Variants in MBTPS2 observed in about 807,000 individuals in gnomAD.
MBTPS2 encodes the protein membrane-bound transcription factor site-2 protease.
MBTPS2 carries 2 observed loss-of-function variants against 35.4 expected under a neutral mutation model. That is an observed-to-expected ratio of 0.06 (90% CI 0.02 to 0.18). The LOEUF (loss-of-function observed/expected upper bound fraction) is 0.18, where lower values mean the gene tolerates loss of function less well. MBTPS2 is among the 10% of genes least tolerant of loss of function. The pLI is 1.00. For synonymous variants in MBTPS2, 125 were observed against 140.4 expected (o/e 0.89, Z 0.77); for missense variants, 244 against 386.5 (o/e 0.63, Z 3.09).
intron 7 of MBTPS2, among the ~76,000 whole-genome samples, chrX:21,873,307 C>T (rs1454115131): frequency 8.9e-6 from 1 of 111,922 alleles, no homozygotes; most frequent in African/African-American, 3.2e-5. Flanking sequence ...ATACACTCTT[C>T]CCCCATTCAT....
chrX:21,880,901 C>T lies in MBTPS2; in HGVS notation c.1266C>T (p.Ser422=), dbSNP rs1229546533. 1.7e-6 allele frequency: 2 copies of T among 1,175,801 alleles called. No individual in the cohort carries two copies. Among genetic ancestry groups the T allele is most frequent in the African/African-American group, 1.7e-5 (1 of 57,189 alleles). The part of the protein sequence containing the change: ...GHPLHLHYTV[S]ITSFIPRFNF... Reference sequence around the variant, plus strand: ...TTCCTTATTTTTCTTTTTCAGTGAGCATCACCAGTTTTATCCCACGTTTTA... The same window carrying T: ...TTCCTTATTTTTCTTTTTCAGTGAGTATCACCAGTTTTATCCCACGTTTTA... The change falls in exon 10 of 11, where the codon AGC becomes AGT. Residue 422 remains serine, a synonymous_variant. Coordinates refer to ENST00000379484, the MANE Select transcript of MBTPS2 (RefSeq NM_015884.4).
intron 9 of MBTPS2, among the ~76,000 whole-genome samples, chrX:21,880,661 C>T (rs970167452): frequency 1.5e-4 from 17 of 111,537 alleles, no homozygotes; most frequent in African/African-American, 2.0e-4. Flanking sequence ...TTCTTACTCT[C>T]GCCTCAAAAT....
chrX:21,862,968 A>ATATATATATATATATATATATATATAT (rs1569325859), intron 5 of MBTPS2, among the ~76,000 whole-genome samples: 8 of 67,098 alleles, frequency 1.2e-4, no homozygotes, highest in South Asian at 8.6e-4. Flanking sequence ...ATATATATAT[A>ATATATATATATATATATATATATATAT]AAACCGACTG....
chrX:21,876,723 G>A (rs2092953557), intron 7 of MBTPS2, among the ~76,000 whole-genome samples: 1 of 111,502 alleles, frequency 9.0e-6, no homozygotes, highest in African/African-American at 3.3e-5. Flanking sequence ...CCAATACAAA[G>A]ATGTCTTCCT....
chrX:21,867,632 CTTTTTTTT>C (rs11290067), intron 5 of MBTPS2, among the ~76,000 whole-genome samples: 1 of 84,314 alleles, frequency 1.2e-5, no homozygotes, highest in African/African-American at 4.5e-5. Context: ...ACGGTTTTCT[CTTTTTTTT>C]TTTTTTTTTG....
Position 21,868,531 on chromosome X carries a change from T to C in MBTPS2, c.735T>C (p.Ile245=). The C allele has an allele frequency of 8.3e-7, 1 of 1,210,615 alleles. No individual in the cohort carries two copies. The highest frequency in any genetic ancestry group is 1.1e-6 in the Non-Finnish European group (1 of 894,454). ...GILALVLLPV[I]LLPFYYTGVG... ...TAGCTCTTGTTCTCCTCCCAGTAAT[T>C]CTCTTGCCATTTTACTACACTGGAG... Residue 245 remains isoleucine (I), a synonymous_variant, in exon 6 of 11, where the codon ATT becomes ATC. Coordinates refer to ENST00000379484, the MANE Select transcript of MBTPS2 (RefSeq NM_015884.4).
chrX:21,867,908 G>A (rs986702975), intron 5 of MBTPS2, among the ~76,000 whole-genome samples: 2 of 111,470 alleles, frequency 1.8e-5, no homozygotes, highest in Non-Finnish European at 3.8e-5. Flanking sequence ...CAAAGTGCTG[G>A]GATTACAGGC....
At position 21,884,065 on chromosome X, in the gene MBTPS2, A is replaced by G; in HGVS notation, c.*1410A>G. ...TCCATGGGGTTACCTTTTTCAGATT[A>G]TTGAGTTGCTCTGTAAGCACTAAAA... On this transcript the variant is annotated 3_prime_UTR_variant, in exon 11 of 11. Transcript: ENST00000379484. The G allele has an allele frequency of 2.7e-6, 2 of 752,965 alleles. No individual in the cohort carries two copies. The highest frequency in any genetic ancestry group is 3.1e-6 in the Non-Finnish European group (2 of 637,873). The allele number at this position is 752,965 out of a possible 1,213,427, so 62.1% of individuals were successfully genotyped here. A position where few individuals can be genotyped will look rare whatever the true frequency, so the allele number is the denominator to read the frequency against.
intron 2 of MBTPS2, 39 bp from the exon 3 acceptor site, chrX:21,845,132 G>T (rs980525992): frequency 8.3e-7 from 1 of 1,209,335 alleles, no homozygotes; most frequent in Non-Finnish European, 1.1e-6. Context: ...TGAATTGAGA[G>T]AAATTGTAAA....
At chrX:21,848,153 C>T (rs2092910521) in intron 3 of MBTPS2, among the ~76,000 whole-genome samples, 1 of 112,749 alleles carries the variant, frequency 8.9e-6, no homozygotes, top group Admixed American at 9.4e-5. Flanking sequence ...GGCTCAGTGG[C>T]TCACGCCTGT....
chrX:21,843,595 G>T (rs1422154181), intron 2 of MBTPS2, among the ~76,000 whole-genome samples: 1 of 111,448 alleles, frequency 9.0e-6, no homozygotes, highest in African/African-American at 3.3e-5. Flanking sequence ...GAGAGAATGT[G>T]AGGGTCAGGG....
Position 21,885,384 on chromosome X carries a change from A to G in MBTPS2, c.*2729A>G. 1 of 751,255 alleles carries G rather than the reference A, an allele frequency of 1.3e-6. No homozygotes were observed. Among genetic ancestry groups the G allele is most frequent in the Non-Finnish European group, 1.6e-6 (1 of 636,402 alleles). The allele number at this position is 751,255 out of a possible 1,213,427, so 61.9% of individuals were successfully genotyped here. On this transcript the variant is annotated 3_prime_UTR_variant, in exon 11 of 11. Transcript: ENST00000379484. ...TCGTAATTGCCGGCATTTGATGTTT[A>G]GCAATAAAAGAATAAATGTGTACCA...
intron 7 of MBTPS2, chrX:21,872,493 G>A (rs2092948296): frequency 1.0e-5 from 1 of 99,530 alleles, no homozygotes; most frequent in South Asian, 4.6e-4. Flanking sequence ...CAATCCAGAA[G>A]TAATTCTTTT....
At chrX:21,840,621 C>A (rs1338140991) in intron 1 of MBTPS2, among the ~76,000 whole-genome samples, 1 of 111,535 alleles carries the variant, frequency 9.0e-6, no homozygotes, top group African/African-American at 3.3e-5. Flanking sequence ...GGAAGAGTAA[C>A]TATATATGTG....
chrX:21,865,057 A>G (rs1602147671), intron 5 of MBTPS2, among the ~76,000 whole-genome samples: 1 of 105,995 alleles, frequency 9.4e-6, no homozygotes, highest in Non-Finnish European at 1.9e-5. Context: ...TAATTTTTGT[A>G]TTTTTTGTAG....
At chrX:21,878,739 A>C in intron 9 of MBTPS2, 47 bp downstream of exon 9, 1 of 870,903 alleles carries the variant, frequency 1.1e-6, no homozygotes, top group Non-Finnish European at 1.7e-6. Context: ...AAGATCACAT[A>C]TAGTCTCAGT....
chrX:21,843,971 C>T (rs1349851243), intron 2 of MBTPS2, among the ~76,000 whole-genome samples: 1 of 107,432 alleles, frequency 9.3e-6, no homozygotes, highest in Non-Finnish European at 1.9e-5. Context: ...AAAAATTAGC[C>T]GGGCATGGTG....
intron 5 of MBTPS2, among the ~76,000 whole-genome samples, chrX:21,860,598 G>A (rs1472234411): frequency 9.0e-6 from 1 of 111,707 alleles, no homozygotes; most frequent in Non-Finnish European, 1.9e-5. Context: ...AACCAGCATG[G>A]GTAAATCCAG....
rs1170383283 is a variant in MBTPS2 at position 21,878,521 on chromosome X, G to A, written c.1090G>A (p.Ala364Thr). The stretch of plus-strand genomic sequence containing the variant: ...GCATACATGTCTTCCTGCCCGGAAA[G>A]CAGTTGAAGCAACTCAAGTTTGCAG... ...RLHTCLPARK[A>T]VEATQVCRTN... The change falls in exon 9 of 11, where the codon GCA becomes ACA. Residue 364 changes from alanine (A) to threonine (T), a missense_variant. Physicochemically the swap from Ala to Thr is moderately conservative, Grantham distance 58. Coordinates refer to ENST00000379484, the MANE Select transcript of MBTPS2 (RefSeq NM_015884.4). The A allele has an allele frequency of 2.5e-6, 3 of 1,207,999 alleles. No individual in the cohort carries two copies. The highest frequency in any genetic ancestry group is 3.4e-6 in the Non-Finnish European group (3 of 892,159).
Sources: gnomAD v4.1 joint callset for allele counts (sites outside exome capture counted in the v4.1 genomes callset) on GRCh38, gnomAD v4.1.1 for gene constraint, MANE v1.5 for transcripts, NCBI Gene and HGNC (gene_info 2026-07-23, HGNC 2026-07-21) for gene names.